The following AMMECR1L variants were observed in gnomAD, a reference collection of about 807,000 sequenced individuals.
AMMECR1L encodes AMMECR1-like protein.
AMMECR1L carries 4 observed loss-of-function variants against 36.8 expected under a neutral mutation model. That is an observed-to-expected ratio of 0.11 (90% confidence interval 0.05 to 0.25). The LOEUF (loss-of-function observed/expected upper bound fraction) is 0.25, where lower values mean the gene tolerates loss of function less well. Ranked by LOEUF, AMMECR1L falls within the 10% of genes least tolerant of loss-of-function variation. AMMECR1L has a pLI of 1.00. For synonymous variants in AMMECR1L, 147 were observed against 148.0 expected, an observed-to-expected ratio of 0.99 and a Z score of 0.05; for missense variants, 232 against 392.1, an observed-to-expected ratio of 0.59 and a Z score of 3.45.
At position 127,862,860 on chromosome 2, in the gene AMMECR1L, C is replaced by T. The variant is rs971992337; in HGVS notation, c.*2234G>A. ...TCTTAAATGGCAGGTATCGTACCCC[C>T]CCTCGATAAAATAAAATAAAATAAA... On this transcript the variant is annotated 3_prime_UTR_variant, in exon 8 of 8. Transcript: ENST00000272647. 6.6e-6 allele frequency: 1 copy of T among 150,844 alleles called. No individual in the cohort carries two copies. The highest frequency in any genetic ancestry group is 1.5e-5 in the Non-Finnish European group (1 of 67,894). The allele number at this position is 150,844 out of a possible 1,614,324, so 9.3% of individuals were successfully genotyped here.
rs183575705 is a variant in AMMECR1L at position 127,867,696 on chromosome 2, G to C, written c.725-700C>G. Among the ~76,000 whole-genome samples, 333 of 152,050 alleles carry C rather than the reference G, an allele frequency of 2.2e-3. 2 individuals carry two copies. The highest frequency in any genetic ancestry group is 7.7e-3 in the African/African-American group (318 of 41,500). On this transcript the variant is annotated intron_variant, in intron 6 of 7. Transcript: ENST00000272647. ...AGGAGGTCAAGACTGCAGTGAGCCA[G>C]GATCACACCACCGCACTCCAGCCTG...
intron 2 of AMMECR1L, among the ~76,000 whole-genome samples, chr2:127,882,519 C>T (rs907349458): frequency 6.6e-6 from 1 of 152,140 alleles, no homozygotes; most frequent in African/African-American, 2.4e-5. Flanking sequence ...ATTTTTGAAA[C>T]CCCCATCATA....
chr2:127,870,289 G>A (rs1690901879), intron 5 of AMMECR1L, among the ~76,000 whole-genome samples: 2 of 150,524 alleles, frequency 1.3e-5, no homozygotes, highest in African/African-American at 4.9e-5. Context: ...ACTCCAGCCT[G>A]GCGACAGAGC....
rs1690931564 is a variant in AMMECR1L, at chr2:127,870,848, T to C, written c.599A>G (p.Asn200Ser). The C allele has an allele frequency of 6.2e-7, 1 of 1,612,390 alleles. No homozygotes were observed. The highest frequency in any genetic ancestry group is 1.3e-5 in the African/African-American group (1 of 74,682). ...KLFCSVSLLT[N>S]FEDASDYLDW... ...CAGGTAATCACTGGCATCCTCAAAG[T>C]TAGTAAGGAGGGAGACAGAGCAGAA... is the stretch of plus-strand genomic sequence containing the variant. Residue 200 changes from asparagine to serine, a missense_variant, in exon 5 of 8, where the codon AAC (asparagine) becomes AGC (serine). By Grantham distance (46) the Asn-to-Ser change is conservative. Transcript: ENST00000272647.
Position 127,874,318 on chromosome 2 carries a change from AAGG to A in AMMECR1L, c.-38-49_-38-47del, listed in dbSNP as rs1354884167. The A allele has an allele frequency of 5.3e-6, 8 of 1,520,964 alleles. No individual in the cohort carries two copies. In the East Asian group the frequency reaches 1.8e-4, roughly 35 times the overall value. 94.2% of individuals were successfully genotyped at this position (1,520,964 alleles called of 1,614,324 possible). A position where few individuals can be genotyped will look rare whatever the true frequency, so the allele number is the denominator to read the frequency against. ...AGCATTAATTTGACTGGTTAGTTAA[AAGG>A]AGAGGAAAAAACATCAAAGATAGAG... is the stretch of plus-strand genomic sequence containing the variant. On this transcript the variant is annotated intron_variant, in intron 2 of 7. Coordinates refer to ENST00000272647, the MANE Select transcript of AMMECR1L (RefSeq NM_001199140.2). The surrounding 1 kb of genome is among the most constrained non-coding windows in gnomAD (Gnocchi z 5.2).
chr2:127,880,574 A>C (rs997623235), intron 2 of AMMECR1L, among the ~76,000 whole-genome samples: 3 of 151,822 alleles, frequency 2.0e-5, no homozygotes, highest in African/African-American at 7.3e-5. Flanking sequence ...CCTGAACTTC[A>C]TTAGGGCCTG....
At chr2:127,885,346 A>G in intron 1 of AMMECR1L, 1 of 979,406 alleles carries the variant, frequency 1.0e-6, no homozygotes, top group Non-Finnish European at 1.2e-6. Flanking sequence ...TGGGGAGACG[A>G]TGGAGCGACG....
rs1690740526 is a variant in AMMECR1L at position 127,867,417 on chromosome 2, T to C, written c.725-421A>G. On this transcript the variant is annotated intron_variant, in intron 6 of 7. Coordinates refer to ENST00000272647, the MANE Select transcript of AMMECR1L (RefSeq NM_001199140.2). ...TGATCTTCCTTCAATCTGATGATTT[T>C]TGGAGTCCTGTTTTCTATGGTAAAA... is the stretch of plus-strand genomic sequence containing the variant. 15 of 714,838 alleles carry C rather than the reference T, an allele frequency of 2.1e-5. 2 individuals carry two copies. The South Asian group carries it at 9.5e-4, about 45-fold the overall frequency. The allele number at this position is 714,838 out of a possible 1,614,324, so 44.3% of individuals were successfully genotyped here. A position where few individuals can be genotyped will look rare whatever the true frequency, so the allele number is the denominator to read the frequency against.
chr2:127,880,672 A>T (rs1691452390), intron 2 of AMMECR1L, among the ~76,000 whole-genome samples: 1 of 152,020 alleles, frequency 6.6e-6, no homozygotes, highest in African/African-American at 2.4e-5. Context: ...CAACTTAAAA[A>T]TTTCAGCCAG....
At chr2:127,883,046 C>A (rs1280502282) in intron 2 of AMMECR1L, among the ~76,000 whole-genome samples, 2 of 151,074 alleles carry the variant, frequency 1.3e-5, no homozygotes, top group Non-Finnish European at 2.9e-5. Flanking sequence ...TGCCTGGCAA[C>A]AATTGTTTTT....
Position 127,873,385 on chromosome 2 carries a change from G to C in AMMECR1L, c.407+443C>G. On this transcript the variant is annotated intron_variant, in intron 3 of 7. Transcript: ENST00000272647. The surrounding 1 kb of genome is among the most constrained non-coding windows in gnomAD (Gnocchi z 5.2). Reference sequence around the variant, plus strand: ...CCAAGGGATTTCTCATGAACAAAGTGAGGGGACCCCTGTTAACCAAATCGC... The same window carrying C: ...CCAAGGGATTTCTCATGAACAAAGTCAGGGGACCCCTGTTAACCAAATCGC... 2 of 985,452 alleles carry C rather than the reference G, an allele frequency of 2.0e-6. No individual in the cohort carries two copies. The highest frequency in any genetic ancestry group is 2.4e-6 in the Non-Finnish European group (2 of 829,934). 61.0% of individuals were successfully genotyped at this position (985,452 alleles called of 1,614,324 possible).
intron 7 of AMMECR1L, 45 bp downstream of exon 7, chr2:127,866,855 C>A: frequency 6.4e-7 from 1 of 1,556,800 alleles, no homozygotes; most frequent in South Asian, 1.1e-5. Flanking sequence ...CTCCATTCAA[C>A]CCCAACTAAA....
intron 3 of AMMECR1L, among the ~76,000 whole-genome samples, chr2:127,872,726 T>G (rs940926943): frequency 6.6e-6 from 1 of 152,168 alleles, no homozygotes; most frequent in Non-Finnish European, 1.5e-5. Context: ...TGCAAAGCCT[T>G]GAATACAACA....
In AMMECR1L at chr2:127,874,313, G is replaced by A; in HGVS notation, c.-38-41C>T. 1 of 1,537,068 alleles carries A rather than the reference G, an allele frequency of 6.5e-7. No homozygotes were observed. The highest frequency in any genetic ancestry group is 1.4e-5 in the African/African-American group (1 of 72,134). ...AGTTAAGCATTAATTTGACTGGTTA[G>A]TTAAAAGGAGAGGAAAAAACATCAA... On this transcript the variant is annotated intron_variant, in intron 2 of 7. Transcript: ENST00000272647. The surrounding 1 kb of genome is among the most constrained non-coding windows in gnomAD (Gnocchi z 5.2).
At position 127,871,257 on chromosome 2, in the gene AMMECR1L, C is replaced by T. The variant is rs1432663640; in HGVS notation, c.510G>A (p.Thr170=). 9 of 1,614,062 alleles carry T rather than the reference C, an allele frequency of 5.6e-6. No individual in the cohort carries two copies. The highest frequency in any genetic ancestry group is 2.2e-5 in the East Asian group (1 of 44,874). The change falls in exon 4 of 8, where the codon ACG becomes ACA. Residue 170 remains threonine (T), a synonymous_variant. Transcript: ENST00000272647. This position sits in a 1 kb window ranked among gnomAD's most constrained non-coding sequence, Gnocchi z 4.3. ...ATGTCTGGTGTCATTACCTGGTTAACGTGTATTCCCTGAGTCCTGAATGAA... is the reference window on the plus strand; with the variant it reads ...ATGTCTGGTGTCATTACCTGGTTAATGTGTATTCCCTGAGTCCTGAATGAA... The part of the protein sequence containing the change: ...MNLHSGLREY[T]LTSALKDSRF...
rs1690620921 is a variant in AMMECR1L, at chr2:127,865,039, G to T, written c.*55C>A. 3 of 1,224,110 alleles carry T rather than the reference G, an allele frequency of 2.5e-6. No homozygotes were observed. The highest frequency in any genetic ancestry group is 1.5e-5 in the African/African-American group (1 of 66,968). 75.8% of individuals were successfully genotyped at this position (1,224,110 alleles called of 1,614,324 possible). On this transcript the variant is annotated 3_prime_UTR_variant, in exon 8 of 8. Transcript: ENST00000272647. This position sits in a 1 kb window ranked among gnomAD's most constrained non-coding sequence, Gnocchi z 5.4. ...AGGAAGAGGAGGCATCTGCTCCAAT[G>T]ATGTCATAGCCATTGGTGGCCACGG...
At position 127,874,182 on chromosome 2, in the gene AMMECR1L, C is replaced by A; in HGVS notation, c.53G>T (p.Cys18Phe). 4.3e-6 allele frequency: 7 copies of A among 1,614,216 alleles called. No homozygotes were observed. Among genetic ancestry groups the A allele is most frequent in the Non-Finnish European group, 5.9e-6 (7 of 1,180,036 alleles). The change falls in exon 3 of 8, where the codon TGT becomes TTT. Residue 18 changes from cysteine (C) to phenylalanine (F), a missense_variant. Physicochemically the swap from Cys to Phe is radical, Grantham distance 205 (BLOSUM62 -2). Transcript: ENST00000272647. This position sits in a 1 kb window ranked among gnomAD's most constrained non-coding sequence, Gnocchi z 5.2. ...TAATTTGGGCTTCTTGACCCCACAA[C>A]AGCCTGCTGCCAACTTGGGCTCGAG... Reference protein sequence around the residue: ...PPLEPKLAAGCCGVKKPKLSG... With the variant: ...PPLEPKLAAGFCGVKKPKLSG...
At chr2:127,867,770 C>CAGGAAG (rs542463591) in intron 6 of AMMECR1L, among the ~76,000 whole-genome samples, 25 of 151,626 alleles carry the variant, frequency 1.6e-4, no homozygotes, top group African/African-American at 3.4e-4. Flanking sequence ...AAGGGAAAGA[C>CAGGAAG]AGGAAGAGGA....
At chr2:127,878,938 T>G (rs1558999118) in intron 2 of AMMECR1L, among the ~76,000 whole-genome samples, 1 of 152,212 alleles carries the variant, frequency 6.6e-6, no homozygotes, top group Non-Finnish European at 1.5e-5. Flanking sequence ...ATGGGAAATT[T>G]CAAACATGAC....
Sources: allele counts gnomAD v4.1 joint callset (sites outside exome capture counted in the v4.1 genomes callset), GRCh38; gene constraint gnomAD v4.1.1; non-coding constraint Gnocchi (gnomAD v3.1); transcripts MANE v1.5; gene names NCBI Gene and HGNC (gene_info 2026-07-23, HGNC 2026-07-21).